The following CAMK2B variants were observed in gnomAD, a reference collection of about 807,000 sequenced individuals.
The protein encoded by CAMK2B is calcium/calmodulin-dependent protein kinase type II subunit beta.
A neutral mutation model predicts 93.7 loss-of-function variants in CAMK2B; 27 were observed. The ratio of observed to expected loss-of-function variants is 0.29; its 90% confidence interval spans 0.21 to 0.40. The LOEUF is 0.40. Ranked by LOEUF, CAMK2B falls within the 10% of genes least tolerant of loss-of-function variation. CAMK2B has a pLI of 1.00. For missense variants in CAMK2B, 568 were observed against 895.8 expected (o/e 0.63, Z 4.67); for synonymous variants, 374 against 358.8 (o/e 1.04, Z -0.48).
At chr7:44,281,068 C>A (rs1373669950) in intron 2 of CAMK2B, among the ~76,000 whole-genome samples, 1 of 152,236 alleles carries the variant, frequency 6.6e-6, no homozygotes, top group Admixed American at 6.5e-5. Flanking sequence ...CCAGTGCCAG[C>A]CACAGAACGT....
In CAMK2B at chr7:44,220,620, C is replaced by T. The variant is rs777055231; in HGVS notation, c.1764G>A (p.Glu588=). The change falls in exon 22 of 24, where the codon GAG becomes GAA. Residue 588 remains glutamate, a synonymous_variant. Coordinates refer to ENST00000395749, the MANE Select transcript of CAMK2B (RefSeq NM_001220.5). The part of the protein sequence containing the change: ...EGMDFHRFYF[E]NLLAKNSKPI... The stretch of plus-strand genomic sequence containing the variant: ...CACCCGGGCTTCCTCACTCACGGTT[C>T]TCGAAGTAGAATCTGTGGAAGTCCA... 3 of 1,613,086 alleles carry T rather than the reference C, an allele frequency of 1.9e-6. No homozygotes were observed. The highest frequency in any genetic ancestry group is 2.5e-6 in the Non-Finnish European group (3 of 1,179,604).
chr7:44,251,440 C>A (rs903776629), intron 5 of CAMK2B, among the ~76,000 whole-genome samples: 4 of 152,212 alleles, frequency 2.6e-5, no homozygotes, highest in Admixed American at 2.0e-4. Flanking sequence ...CGAGGCTCAC[C>A]CAGAAAGAAA....
intron 13 of CAMK2B, among the ~76,000 whole-genome samples, chr7:44,238,534 G>A (rs893701123): frequency 6.6e-6 from 1 of 152,196 alleles, no homozygotes; most frequent in African/African-American, 2.4e-5. Context: ...CGTCCACTGG[G>A]CTCATGGGAG....
intron 16 of CAMK2B, among the ~76,000 whole-genome samples, chr7:44,231,331 G>A (rs1031701441): frequency 1.3e-5 from 2 of 152,202 alleles, no homozygotes; most frequent in African/African-American, 2.4e-5. Flanking sequence ...TCACCAGGGT[G>A]CATTCTCACG....
chr7:44,275,402 C>T (rs530171742), intron 2 of CAMK2B, among the ~76,000 whole-genome samples: 26 of 152,356 alleles, frequency 1.7e-4, no homozygotes, highest in African/African-American at 5.8e-4. Context: ...GCACCCTCCG[C>T]GCAGCCCGGC....
Position 44,319,023 on chromosome 7 carries a change from A to C in CAMK2B, c.65+6334T>G, listed in dbSNP as rs1464254431. ...AATAAATTCAAGTTTTTCTATGAAT[A>C]AAATATACATATCTGTGTAATATGC... On this transcript the variant is annotated intron_variant, in intron 1 of 23. Transcript: ENST00000395749. 3.3e-5 allele frequency among the ~76,000 whole-genome samples: 5 copies of C among 152,364 alleles called. No individual in the cohort carries two copies. In the East Asian group the frequency reaches 9.6e-4, roughly 29 times the overall value.
At chr7:44,313,316 G>C (rs1794033235) in intron 1 of CAMK2B, among the ~76,000 whole-genome samples, 2 of 152,150 alleles carry the variant, frequency 1.3e-5, no homozygotes, top group African/African-American at 4.8e-5. Context: ...GCCCTGACAA[G>C]GACTTTAGGG....
rs2096691426 is a variant in CAMK2B, at chr7:44,242,632, G to A, written c.624C>T (p.Leu208=). 6.8e-6 allele frequency: 11 copies of A among 1,611,912 alleles called. No individual in the cohort carries two copies. Among genetic ancestry groups the A allele is most frequent in the South Asian group, 1.1e-5 (1 of 90,842 alleles). ...WACGVILYIL[L]VGYPPFWDED... The stretch of plus-strand genomic sequence containing the variant: ...CGTCCCAGAAGGGTGGGTAGCCCAC[G>A]AGCAGGATGTACAGGATCACCCCTG... Residue 208 remains leucine, a synonymous_variant, in exon 9 of 24, where the codon CTC becomes CTT. Coordinates refer to ENST00000395749, the MANE Select transcript of CAMK2B (RefSeq NM_001220.5).
At chr7:44,245,501 G>C (rs1290701228) in intron 6 of CAMK2B, among the ~76,000 whole-genome samples, 1 of 152,204 alleles carries the variant, frequency 6.6e-6, no homozygotes, top group Non-Finnish European at 1.5e-5. Flanking sequence ...CTTGGCTCCA[G>C]AGTTAACCAG....
At chr7:44,233,569 G>A (rs187915624) in intron 15 of CAMK2B, among the ~76,000 whole-genome samples, 14 of 152,266 alleles carry the variant, frequency 9.2e-5, no homozygotes, top group Non-Finnish European at 1.8e-4. Flanking sequence ...GGGGACCTAC[G>A]GGCCAGCAAG....
At chr7:44,285,648 A>T (rs1372230122) in intron 1 of CAMK2B, among the ~76,000 whole-genome samples, 1 of 150,572 alleles carries the variant, frequency 6.6e-6, no homozygotes, top group Admixed American at 6.7e-5. Context: ...AAATAATTAC[A>T]CTAAATCTAA....
chr7:44,313,871 A>G (rs1794178645), intron 1 of CAMK2B, among the ~76,000 whole-genome samples: 1 of 151,506 alleles, frequency 6.6e-6, no homozygotes, highest in Non-Finnish European at 1.5e-5. Context: ...CAGATGCTCC[A>G]GTGACAAGGC....
At chr7:44,226,432 C>T (rs1261332545) in intron 20 of CAMK2B, 84 bp downstream of exon 20, 2 of 1,153,764 alleles carry the variant, frequency 1.7e-6, no homozygotes, top group Non-Finnish European at 1.1e-6. Context: ...CAAGAATGGC[C>T]CTTCCCAGAG....
At chr7:44,229,181 G>T (rs1338804971) in intron 18 of CAMK2B, 3 of 615,492 alleles carry the variant, frequency 4.9e-6, no homozygotes, top group Non-Finnish European at 8.8e-6. Context: ...GTGGCCTTGA[G>T]CAGGAAAGTG....
rs1313146466 is a variant in CAMK2B, at chr7:44,224,089, G to A, written c.1597+2427C>T. Reference sequence around the variant, plus strand: ...TAATTAAAATGGGAGTTGATGGGAAGAGAAAGCGTGAAGTAAACAGAAGAG... The same window carrying A: ...TAATTAAAATGGGAGTTGATGGGAAAAGAAAGCGTGAAGTAAACAGAAGAG... On this transcript the variant is annotated intron_variant, in intron 20 of 23. Transcript: ENST00000395749. The surrounding 1 kb of genome is among the most constrained non-coding windows in gnomAD (Gnocchi z 4.4). Among the ~76,000 whole-genome samples, 1 of 152,256 alleles carries A rather than the reference G, an allele frequency of 6.6e-6. No homozygotes were observed. The highest frequency in any genetic ancestry group is 1.5e-5 in the Non-Finnish European group (1 of 68,048).
chr7:44,282,018 G>A (rs961436846), intron 2 of CAMK2B, among the ~76,000 whole-genome samples: 4 of 152,206 alleles, frequency 2.6e-5, no homozygotes, highest in Admixed American at 6.5e-5. Flanking sequence ...TCCCATTCCA[G>A]AGGCTCTACC....
At chr7:44,293,536 G>GT (rs1200707982) in intron 1 of CAMK2B, among the ~76,000 whole-genome samples, 6 of 152,180 alleles carry the variant, frequency 3.9e-5, no homozygotes, top group African/African-American at 1.4e-4. Flanking sequence ...CCAGGGACTG[G>GT]TTTTATGGAA....
intron 1 of CAMK2B, chr7:44,323,817 C>T (rs998944703): frequency 4.5e-5 from 7 of 155,840 alleles, no homozygotes; most frequent in East Asian, 1.9e-4. Context: ...CCACCTGCCC[C>T]TCCAGTGGCC....
In CAMK2B at chr7:44,239,758, CAGA is replaced by C. The variant is rs1289025392; in HGVS notation, c.947-98_947-96del. On this transcript the variant is annotated intron_variant, in intron 12 of 23. Coordinates refer to ENST00000395749, the MANE Select transcript of CAMK2B (RefSeq NM_001220.5). ...AAGGGAAGAAAAGAGACAAAGGAAG[CAGA>C]AGAAGATTAGAGTTAAAGTTTAGGT... 4 of 870,534 alleles carry C rather than the reference CAGA, an allele frequency of 4.6e-6. No individual in the cohort carries two copies. In the Admixed American group the frequency reaches 6.2e-5, roughly 14 times the overall value. The allele number at this position is 870,534 out of a possible 1,614,324, so 53.9% of individuals were successfully genotyped here.
Sources: allele counts gnomAD v4.1 joint callset (sites outside exome capture counted in the v4.1 genomes callset), GRCh38; gene constraint gnomAD v4.1.1; non-coding constraint Gnocchi (gnomAD v3.1); transcripts MANE v1.5; gene names NCBI Gene and HGNC (gene_info 2026-07-23, HGNC 2026-07-21).